The following DYM variants were observed in gnomAD, a reference collection of about 807,000 sequenced individuals.
DYM encodes dyggve-Melchior-Clausen syndrome protein.
Under a neutral mutation model 93.1 loss-of-function variants are expected in DYM, and 78 were observed. That is an observed-to-expected ratio of 0.84 (90% CI 0.70 to 1.01). The LOEUF (loss-of-function observed/expected upper bound fraction) is 1.01, where lower values mean the gene tolerates loss of function less well. Among genes scored for constraint, DYM ranks in the 50% least tolerant of loss-of-function variants. The pLI is 0.00. For missense variants in DYM, 789 were observed against 845.0 expected (o/e 0.93, Z 0.82); for synonymous variants, 321 against 319.7 (o/e 1.00, Z -0.04).
At chr18:49,413,331 G>T (rs2072503418) in intron 2 of DYM, among the ~76,000 whole-genome samples, 1 of 152,064 alleles carries the variant, frequency 6.6e-6, no homozygotes, top group Admixed American at 6.6e-5. Flanking sequence ...AACAATAACA[G>T]AACTAAAAAA....
chr18:49,084,481 T>C (rs1389949339), intron 17 of DYM, among the ~76,000 whole-genome samples: 1 of 152,178 alleles, frequency 6.6e-6, no homozygotes, highest in Non-Finnish European at 1.5e-5. Context: ...TGTTGGTTGA[T>C]AGTGCTGTTT....
rs1378286712 is a variant in DYM at position 49,037,891 on chromosome 18, T to TA, written c.*6163dup. ...CCAAGCTGGAGTGCAGTAGTGCAAT[T>TA]ATAGCTCACTGCAGCCTCGACCTCC... On this transcript the variant is annotated 3_prime_UTR_variant, in exon 18 of 18. Transcript: ENST00000675505. Among the ~76,000 whole-genome samples the TA allele has an allele frequency of 1.3e-5, 2 of 152,166 alleles. No homozygotes were observed. Among genetic ancestry groups the TA allele is most frequent in the African/African-American group, 4.8e-5 (2 of 41,422 alleles).
At chr18:49,280,082 G>A (rs1289328970) in intron 10 of DYM, among the ~76,000 whole-genome samples, 1 of 152,172 alleles carries the variant, frequency 6.6e-6, no homozygotes, top group Non-Finnish European at 1.5e-5. Context: ...ACATTTTTAT[G>A]AATGTATTAA....
rs556015250 is a variant in DYM, at chr18:49,061,516, C to T, written c.2026-17312G>A. Among the ~76,000 whole-genome samples the T allele has an allele frequency of 1.4e-3, 219 of 152,362 alleles. 3 individuals carry two copies. Among genetic ancestry groups the T allele is most frequent in the Non-Finnish European group, 7.3e-4 (50 of 68,036 alleles). On this transcript the variant is annotated intron_variant, in intron 17 of 17. Coordinates refer to ENST00000675505, the MANE Select transcript of DYM (RefSeq NM_001353214.3). ...CTGCATACAAAGTGGGGCCACTCCA[C>T]GCACCTGAGCAAAGCTGTGCCCAGG...
chr18:49,337,566 G>A (rs1380384183), intron 6 of DYM, among the ~76,000 whole-genome samples: 3 of 152,148 alleles, frequency 2.0e-5, no homozygotes, highest in African/African-American at 7.2e-5. Context: ...GATCCTGCCT[G>A]AGAACATAGC....
At chr18:49,180,879 G>T (rs1362950449) in intron 14 of DYM, among the ~76,000 whole-genome samples, 6 of 152,130 alleles carry the variant, frequency 3.9e-5, no homozygotes, top group Non-Finnish European at 8.8e-5. Context: ...AGAACCTATG[G>T]AAAAAGTCAC....
chr18:49,141,207 T>C (rs2084449333), intron 15 of DYM, among the ~76,000 whole-genome samples: 1 of 152,164 alleles, frequency 6.6e-6, no homozygotes, highest in Non-Finnish European at 1.5e-5. Context: ...CCTAGCCTTT[T>C]CCTCTTGAGT....
At chr18:49,259,692 G>A (rs1467324312) in intron 11 of DYM, among the ~76,000 whole-genome samples, 1 of 152,166 alleles carries the variant, frequency 6.6e-6, no homozygotes, top group Non-Finnish European at 1.5e-5. Flanking sequence ...CATACTCACT[G>A]AAAGAACACA....
rs771444449 is a variant in DYM at position 49,378,721 on chromosome 18, C to G, written c.288-21G>C. 5.0e-6 allele frequency: 8 copies of G among 1,610,814 alleles called. 1 individual carries two copies. Among genetic ancestry groups the G allele is most frequent in the South Asian group, 3.3e-5 (3 of 90,898 alleles). On this transcript the variant is annotated intron_variant, in intron 4 of 17. Transcript: ENST00000675505. ...TGTGGCTAGAAAGACCAAAATCATA[C>G]AAGAATCAATATTTAAACATAAGCA...
intron 14 of DYM, among the ~76,000 whole-genome samples, chr18:49,199,724 A>G (rs1279333430): frequency 6.6e-6 from 1 of 152,338 alleles, no homozygotes; most frequent in East Asian, 1.9e-4. Flanking sequence ...AGTGAATAGC[A>G]TATTATATGA....
chr18:49,243,366 G>A lies in DYM; in HGVS notation c.1460+13644C>T, dbSNP rs140099325. On this transcript the variant is annotated intron_variant, in intron 13 of 17. Transcript: ENST00000675505. ...CCTACTCTTGTTTAAAATACTCCAC[G>A]AAGAAATCATTGTTAGGGCTGGGCG... Among the ~76,000 whole-genome samples the A allele has an allele frequency of 3.2e-3, 489 of 152,114 alleles. 1 individual carries two copies. The highest frequency in any genetic ancestry group is 0.01 in the Middle Eastern group (3 of 294).
intron 11 of DYM, among the ~76,000 whole-genome samples, chr18:49,263,716 G>A (rs1297900284): frequency 6.6e-6 from 1 of 151,920 alleles, no homozygotes; most frequent in Admixed American, 6.6e-5. Flanking sequence ...GCAACAGAGT[G>A]AGATTCTGTC....
chr18:49,091,244 C>T (rs1281225287), intron 17 of DYM, among the ~76,000 whole-genome samples: 1 of 152,048 alleles, frequency 6.6e-6, no homozygotes, highest in Non-Finnish European at 1.5e-5. Flanking sequence ...TATGAAGACC[C>T]CTGGCCTCCT....
At chr18:49,307,505 C>T (rs1224375004) in intron 8 of DYM, among the ~76,000 whole-genome samples, 1 of 152,026 alleles carries the variant, frequency 6.6e-6, no homozygotes, top group Non-Finnish European at 1.5e-5. Context: ...TACCTGGTTA[C>T]AAAGAAGAAT....
intron 14 of DYM, among the ~76,000 whole-genome samples, chr18:49,190,921 T>C (rs1170233366): frequency 6.6e-6 from 1 of 152,208 alleles, no homozygotes; most frequent in Non-Finnish European, 1.5e-5. Context: ...AAATACAGTA[T>C]ATAAAACATA....
chr18:49,189,313 T>A (rs553871508), intron 14 of DYM, among the ~76,000 whole-genome samples: 13 of 152,294 alleles, frequency 8.5e-5, no homozygotes, highest in Non-Finnish European at 1.5e-4. Flanking sequence ...AAAATTTTTT[T>A]AAAAGGGGTT....
In DYM at chr18:49,272,304, C is replaced by T. The variant is rs763228672; in HGVS notation, c.1126-1G>A. 6 of 1,522,280 alleles carry T rather than the reference C, an allele frequency of 3.9e-6. No homozygotes were observed. The South Asian group carries it at 4.5e-5, about 11-fold the overall frequency. 94.3% of individuals were successfully genotyped at this position (1,522,280 alleles called of 1,614,324 possible). A position where few individuals can be genotyped will look rare whatever the true frequency, so the allele number is the denominator to read the frequency against. ...ACAGAATCTCAAGAATTGGTAAAAC[C>T]TAGAGAATAAAAATTATAATTGACT... On this transcript the variant is annotated splice_acceptor_variant, in intron 10 of 17. Coordinates refer to ENST00000675505, the MANE Select transcript of DYM (RefSeq NM_001353214.3). LOFTEE classifies it high-confidence loss of function.
At position 49,132,680 on chromosome 18, in the gene DYM, C is replaced by T. The variant is rs547007852; in HGVS notation, c.1729-13754G>A. Among the ~76,000 whole-genome samples, 42 of 151,944 alleles carry T rather than the reference C, an allele frequency of 2.8e-4. No individual in the cohort carries two copies. In the South Asian group the frequency reaches 8.5e-3, roughly 31 times the overall value. On this transcript the variant is annotated intron_variant, in intron 15 of 17. Coordinates refer to ENST00000675505, the MANE Select transcript of DYM (RefSeq NM_001353214.3). ...GAAAAATAAAAATAAAAACAAAAAC[C>T]GTCATTAAAATACTCAAACATATGA...
intron 6 of DYM, among the ~76,000 whole-genome samples, chr18:49,337,472 G>A (rs570691433): frequency 1.3e-5 from 2 of 152,320 alleles, no homozygotes; most frequent in Admixed American, 1.3e-4. Context: ...GGAACTATCA[G>A]AAAAGAGGCA....
Sources: allele counts gnomAD v4.1 joint callset (sites outside exome capture counted in the v4.1 genomes callset), GRCh38; gene constraint gnomAD v4.1.1; transcripts MANE v1.5; gene names NCBI Gene and HGNC (gene_info 2026-07-23, HGNC 2026-07-21).